Variants in RBMX observed in about 807,000 individuals in gnomAD.
RBMX encodes the protein RNA binding motif protein X-linked.
RBMX carries 1 observed loss-of-function variant against 29.3 expected under a neutral mutation model. That is an observed-to-expected ratio of 0.03 (90% CI 0.01 to 0.16). The LOEUF (loss-of-function observed/expected upper bound fraction) is 0.16. Among genes scored for constraint, RBMX ranks in the 10% least tolerant of loss-of-function variants. The pLI, the probability that RBMX is intolerant of heterozygous loss-of-function variation, is 1.00. For synonymous variants in RBMX, 102 were observed against 102.3 expected, an observed-to-expected ratio of 1.00 and a Z score of 0.02; for missense variants, 121 against 333.2, an observed-to-expected ratio of 0.36 and a Z score of 4.96.
At chrX:136,878,419 T>C (rs929999789) in intron 3 of RBMX, among the ~76,000 whole-genome samples, 16 of 110,687 alleles carry the variant, frequency 1.4e-4, no homozygotes, top group African/African-American at 4.3e-4. Context: ...TATCAAAATA[T>C]GGCTTATGGA....
intron 2 of RBMX, 52 bp from the exon 3 acceptor site, chrX:136,879,175 A>G: frequency 8.3e-7 from 1 of 1,208,678 alleles, no homozygotes; most frequent in Non-Finnish European, 1.1e-6. Flanking sequence ...CAAATGAAAT[A>G]ACCAAAGTAA....
At chrX:136,872,027 T>C (rs2018123127), downstream of RBMX, among the ~76,000 whole-genome samples, 1 of 110,970 alleles carries the variant, frequency 9.0e-6, no homozygotes, top group Non-Finnish European at 1.9e-5. Flanking sequence ...GCTTTATGGG[T>C]TCAAAAATAG....
chrX:136,870,458 G>GT (rs1304938642), downstream of RBMX: 1 of 113,386 alleles, frequency 8.8e-6, no homozygotes, highest in East Asian at 2.8e-4. Flanking sequence ...CATAGTATTT[G>GT]TTTTACTGTA....
chrX:136,880,125 A>G (rs920914189), intron 1 of RBMX, among the ~76,000 whole-genome samples: 10 of 112,148 alleles, frequency 8.9e-5, no homozygotes, highest in African/African-American at 3.2e-4. Flanking sequence ...ACCGCGTGTA[A>G]AAGACAAAAT....
downstream of RBMX, among the ~76,000 whole-genome samples, chrX:136,871,389 A>G (rs1426715245): frequency 2.0e-5 from 2 of 100,054 alleles, no homozygotes; most frequent in South Asian, 5.3e-4. Flanking sequence ...GCTTGCAGTG[A>G]GCCGAGATCG....
chrX:136,879,157 C>G (rs373313741), intron 2 of RBMX, 34 bp from the exon 3 acceptor site: 4 of 1,210,355 alleles, frequency 3.3e-6, no homozygotes, highest in South Asian at 1.8e-5. Flanking sequence ...TAAAGTGTTA[C>G]CCTAGGTCAA....
rs2077703524 is a variant in RBMX at position 136,874,069 on chromosome X, G to GTTA, written c.*72_*73insTAA. The GTTA allele has an allele frequency of 1.7e-6, 2 of 1,143,421 alleles. No homozygotes were observed. Among genetic ancestry groups the GTTA allele is most frequent in the Admixed American group, 2.9e-5 (1 of 34,409 alleles). The allele number at this position is 1,143,421 out of a possible 1,213,427, so 94.2% of individuals were successfully genotyped here. ...CAATTTTTCCTTTTAGTAGTCCTTG[G>GTTA]GTAGTTATGATAGAATAGTTTCCAC... On this transcript the variant is annotated 3_prime_UTR_variant, in exon 9 of 9. Coordinates refer to ENST00000320676, the MANE Select transcript of RBMX (RefSeq NM_002139.4).
rs893460827 is a variant in RBMX at position 136,879,300 on chromosome X, G to A, written c.109+19C>T. 8.3e-6 allele frequency: 10 copies of A among 1,204,707 alleles called. No homozygotes were observed. Among genetic ancestry groups the A allele is most frequent in the Middle Eastern group, 2.3e-4 (1 of 4,324 alleles). On this transcript the variant is annotated intron_variant, in intron 2 of 8. Transcript: ENST00000320676. Reference sequence around the variant, plus strand: ...TATTTTAATTATAATAGCCCAGCCTGTACTGCCAGACAACTCACCTTCCAC... The same window carrying A: ...TATTTTAATTATAATAGCCCAGCCTATACTGCCAGACAACTCACCTTCCAC...
intron 3 of RBMX, among the ~76,000 whole-genome samples, chrX:136,878,606 G>A (rs916384457): frequency 2.4e-5 from 2 of 82,800 alleles, no homozygotes; most frequent in Non-Finnish European, 4.5e-5. Flanking sequence ...TTAGCCGGGC[G>A]TGGTCGCGCA....
At chrX:136,875,739 T>C (rs1180105190) in intron 5 of RBMX, among the ~76,000 whole-genome samples, 154 bp from the exon 6 acceptor site, 3 of 111,960 alleles carry the variant, frequency 2.7e-5, no homozygotes, top group Non-Finnish European at 5.6e-5. Flanking sequence ...TTCCCATTCA[T>C]ATTTTAAATT....
At chrX:136,876,933 C>T (rs1469114992) in intron 4 of RBMX, among the ~76,000 whole-genome samples, 3 of 105,059 alleles carry the variant, frequency 2.9e-5, no homozygotes, top group Non-Finnish European at 5.9e-5. Context: ...AGGCTGGTCT[C>T]GAACTCCTGA....
chrX:136,874,944 G>A, intron 8 of RBMX, 142 bp downstream of exon 8: 1 of 1,048,022 alleles, frequency 9.5e-7, no homozygotes, highest in Non-Finnish European at 1.2e-6. Context: ...CACAAAACTA[G>A]GAAAAGCCCA....
downstream of RBMX, chrX:136,873,082 TTG>T (rs2148709525): frequency 1.8e-5 from 2 of 110,567 alleles, no homozygotes; most frequent in African/African-American, 6.6e-5. Flanking sequence ...AGTGTTGAAT[TTG>T]GAGGACTTCT....
rs766669212 is a variant in RBMX at position 136,874,403 on chromosome X, A to C, written c.915T>G (p.Gly305=). ...TGTAATCATCATAGCGACTGCTTCC[A>C]CCATAAGATGGCGGGGGCCCTCGTG... The part of the protein sequence containing the change: ...PPTRGPPPSY[G]GSSRYDDYSS... The change falls in exon 9 of 9, where the codon GGT becomes GGG. Residue 305 remains glycine (G), a synonymous_variant. Coordinates refer to ENST00000320676, the MANE Select transcript of RBMX (RefSeq NM_002139.4). 4 of 1,212,655 alleles carry C rather than the reference A, an allele frequency of 3.3e-6. No homozygotes were observed. The South Asian group carries it at 7.0e-5, about 21-fold the overall frequency.
At chrX:136,876,456 C>A in intron 5 of RBMX, 47 bp downstream of exon 5, 6 of 1,111,527 alleles carry the variant, frequency 5.4e-6, no homozygotes, top group African/African-American at 1.9e-5. Flanking sequence ...CCTCTCAATT[C>A]TTTGTGTTAC....
In RBMX at chrX:136,879,426, ATG is replaced by A. The variant is rs1491276967; in HGVS notation, c.-1_1del. 8.4e-4 allele frequency: 803 copies of A among 951,796 alleles called. 1 individual carries two copies. Among genetic ancestry groups the A allele is most frequent in the Admixed American group, 3.0e-3 (97 of 31,827 alleles). 78.4% of individuals were successfully genotyped at this position (951,796 alleles called of 1,213,427 possible). On this transcript the variant is annotated start_lost and start_retained_variant and 5_prime_UTR_variant, in exon 2 of 9. Coordinates refer to ENST00000320676, the MANE Select transcript of RBMX (RefSeq NM_002139.4). The stretch of plus-strand genomic sequence containing the variant: ...CTTTCCTGGGCGATCTGCTTCAACC[ATG>A]TTTTTTTTTTTTTGGGCCGGTGAGT...
chrX:136,870,813 A>G (rs2077679465), downstream of RBMX, among the ~76,000 whole-genome samples: 1 of 106,750 alleles, frequency 9.4e-6, no homozygotes, highest in Non-Finnish European at 1.9e-5. Context: ...AGAAAAAAAG[A>G]AAAAAAAAGA....
rs780867286 is a variant in RBMX at position 136,878,103 on chromosome X, GATTAA to G, written c.217-22_217-18del. On this transcript the variant is annotated intron_variant, in intron 3 of 8. Coordinates refer to ENST00000320676, the MANE Select transcript of RBMX (RefSeq NM_002139.4). ...ATCTAATGACTAAAAAAAAAGATAC[GATTAA>G]ATTAAATCAAGATTTAAAAATAATT... 18 of 1,132,501 alleles carry G rather than the reference GATTAA, an allele frequency of 1.6e-5. No homozygotes were observed. In the East Asian group the frequency reaches 4.3e-4, roughly 27 times the overall value. The allele number at this position is 1,132,501 out of a possible 1,213,427, so 93.3% of individuals were successfully genotyped here.
chrX:136,872,453 G>T, downstream of RBMX: 1 of 651,261 alleles, frequency 1.5e-6, no homozygotes, highest in Non-Finnish European at 2.4e-6. Flanking sequence ...GTTCAGACTT[G>T]CAGCTTAATA....
Sources: allele counts gnomAD v4.1 joint callset (sites outside exome capture counted in the v4.1 genomes callset), GRCh38; gene constraint gnomAD v4.1.1; transcripts MANE v1.5; gene names NCBI Gene and HGNC (gene_info 2026-07-23, HGNC 2026-07-21).